The following POLR1D variants were observed in gnomAD, a reference collection of about 807,000 sequenced individuals.
POLR1D encodes RNA polymerase I and III subunit D.
In POLR1D, 8 loss-of-function variants were observed where a neutral mutation model predicts 10.8. The ratio of observed to expected loss-of-function variants is 0.74; its 90% CI spans 0.43 to 1.33. The LOEUF is 1.33. Among genes scored for constraint, POLR1D ranks in the 40% most tolerant of loss-of-function variants. The probability of loss-of-function intolerance (pLI) is 0.01; values close to 1 mark genes in which losing one functional copy is unlikely to be tolerated. For missense variants in POLR1D, 152 were observed against 161.7 expected, an observed-to-expected ratio of 0.94 and a Z score of 0.32; for synonymous variants, 54 against 57.2, an observed-to-expected ratio of 0.94 and a Z score of 0.25.
At chr13:27,642,532 CCAT>C (rs1187355772) in intron 1 of POLR1D, among the ~76,000 whole-genome samples, 1 of 152,046 alleles carries the variant, frequency 6.6e-6, no homozygotes, top group East Asian at 1.9e-4. Context: ...TCCATCTCAC[CCAT>C]CATCATCTAT....
intron 1 of POLR1D, among the ~76,000 whole-genome samples, chr13:27,644,870 ATAATT>A (rs1956204885): frequency 1.3e-5 from 2 of 152,268 alleles, no homozygotes; most frequent in South Asian, 2.1e-4. Context: ...ATAATCTTTG[ATAATT>A]TAAGTTATTT....
At position 27,622,857 on chromosome 13, in the gene POLR1D, T is replaced by C. The variant is rs768698541; in HGVS notation, c.27-18T>C. ...AATATTCAGTATGATCTCATTTTTA[T>C]AAAAAATATGTGTGTAGAAAAATAT... On this transcript the variant is annotated intron_variant, in intron 1 of 1. Coordinates refer to ENST00000302979, the MANE Select transcript of POLR1D (RefSeq NM_015972.4). The C allele has an allele frequency of 6.5e-7, 1 of 1,544,954 alleles. No individual in the cohort carries two copies. Among genetic ancestry groups the C allele is most frequent in the Non-Finnish European group, 8.9e-7 (1 of 1,118,242 alleles).
chr13:27,624,103 A>G (rs1279786602), downstream of POLR1D, among the ~76,000 whole-genome samples: 3 of 152,138 alleles, frequency 2.0e-5, no homozygotes, highest in Non-Finnish European at 2.9e-5. Context: ...CCCACCCGCC[A>G]GTGCTCTGTG....
chr13:27,664,102 G>C (rs1053652556), intron 2 of POLR1D, among the ~76,000 whole-genome samples: 1 of 152,182 alleles, frequency 6.6e-6, no homozygotes, highest in African/African-American at 2.4e-5. Flanking sequence ...GCATTCAGTA[G>C]TACCCTGTCA....
rs1485942027 is a variant in POLR1D, at chr13:27,633,533, T to G, written c.26+11524T>G. On this transcript the variant is annotated intron_variant, in intron 1 of 2. Transcript: ENST00000399697. ...GGAAAATTGCCAGAAATCCTAGTCT[T>G]TATTTAGGTGACCTGAAGCACTTGA... 2.0e-5 allele frequency among the ~76,000 whole-genome samples: 3 copies of G among 152,342 alleles called. No individual in the cohort carries two copies. In the East Asian group the frequency reaches 5.8e-4, roughly 29 times the overall value.
intron 2 of POLR1D, among the ~76,000 whole-genome samples, chr13:27,659,807 G>T (rs1273497413): frequency 6.6e-6 from 1 of 151,772 alleles, no homozygotes. Context: ...CCTACCTTCT[G>T]TTCCTCTTGG....
At chr13:27,660,116 G>T (rs1593294468) in intron 2 of POLR1D, among the ~76,000 whole-genome samples, 1 of 152,074 alleles carries the variant, frequency 6.6e-6, no homozygotes, top group Non-Finnish European at 1.5e-5. Context: ...TTTTTCAGGT[G>T]GCCACATGCT....
chr13:27,623,212 A>G lies in POLR1D; in HGVS notation c.364A>G (p.Lys122Glu). ...GTTTGAGGCCAGCATAAAGGACTAT[A>G]AGGATCAAAAAGCAAGCAGAAATGA... is the stretch of plus-strand genomic sequence containing the variant. ...DKFEASIKDYKDQKASRNEST... is the reference protein window; with the variant it reads ...DKFEASIKDYEDQKASRNEST... Residue 122 changes from lysine (K) to glutamate (E), a missense_variant, in exon 2 of 2, where the codon AAG becomes GAG. Coordinates refer to ENST00000302979, the MANE Select transcript of POLR1D (RefSeq NM_015972.4). The G allele has an allele frequency of 1.2e-6, 2 of 1,614,140 alleles. No individual in the cohort carries two copies. The highest frequency in any genetic ancestry group is 2.2e-5 in the South Asian group (2 of 91,052).
At chr13:27,623,483 A>C, downstream of POLR1D, 2 of 851,316 alleles carry the variant, frequency 2.3e-6, no homozygotes, top group Non-Finnish European at 3.2e-6. Context: ...ATGCAACCAA[A>C]TGGTCCTTGA....
chr13:27,635,808 C>T (rs1368812528), intron 1 of POLR1D, among the ~76,000 whole-genome samples: 2 of 151,138 alleles, frequency 1.3e-5, no homozygotes, highest in Admixed American at 6.6e-5. Flanking sequence ...TCATTTTAAT[C>T]GCATAGCTTT....
At chr13:27,665,957 TGGAACCAGGGCCAGCCAGCCCTGCG>T in exon 3 of POLR1D, 1 of 1,613,854 alleles carries the variant, frequency 6.2e-7, no homozygotes, top group Non-Finnish European at 8.5e-7. Context: ...GCGGTGAGGC[TGGAACCAGGGCCAGCCAGCCCTGCG>T]GGCCTCCGTG....
chr13:27,648,303 C>T (rs1450541976), intron 1 of POLR1D: 1 of 1,009,986 alleles, frequency 9.9e-7, no homozygotes, highest in Non-Finnish European at 1.5e-6. Context: ...TTCCCAAGAT[C>T]ATGGACCTGG....
At chr13:27,660,642 C>T (rs1357921745) in intron 2 of POLR1D, 1 of 152,308 alleles carries the variant, frequency 6.6e-6, no homozygotes, top group African/African-American at 2.4e-5. Context: ...TCATGCCTGT[C>T]CTGGATGAGG....
intron 2 of POLR1D, among the ~76,000 whole-genome samples, chr13:27,652,959 G>A (rs1169800056): frequency 4.1e-5 from 5 of 120,600 alleles, no homozygotes; most frequent in East Asian, 2.4e-4. Context: ...TTGCTCTGTC[G>A]CTGGATCTCA....
chr13:27,635,199 T>C (rs936891998), intron 1 of POLR1D, among the ~76,000 whole-genome samples: 1 of 152,222 alleles, frequency 6.6e-6, no homozygotes, highest in African/African-American at 2.4e-5. Context: ...AAAGGTTTAC[T>C]GACAATACTT....
At chr13:27,623,523 T>C, downstream of POLR1D, 3 of 439,754 alleles carry the variant, frequency 6.8e-6, no homozygotes, top group Non-Finnish European at 1.1e-5. Context: ...TAAGCCAGCA[T>C]TGAAAATGAG....
chr13:27,641,131 G>A (rs565839758), intron 1 of POLR1D, among the ~76,000 whole-genome samples: 2 of 152,180 alleles, frequency 1.3e-5, no homozygotes, highest in East Asian at 1.9e-4. Flanking sequence ...GTACACTCTT[G>A]TGCTTACAAA....
intron 1 of POLR1D, among the ~76,000 whole-genome samples, chr13:27,629,766 G>A (rs1318893497): frequency 6.6e-6 from 1 of 152,200 alleles, no homozygotes; most frequent in African/African-American, 2.4e-5. Context: ...TAAGCTTTAA[G>A]ATAAAGGTTA....
At chr13:27,658,539 G>T (rs1301136433) in intron 2 of POLR1D, among the ~76,000 whole-genome samples, 1 of 152,184 alleles carries the variant, frequency 6.6e-6, no homozygotes, top group Non-Finnish European at 1.5e-5. Flanking sequence ...AGAGTGAGTG[G>T]TATTATTTTT....
Sources: gnomAD v4.1 joint callset for allele counts (sites outside exome capture counted in the v4.1 genomes callset) on GRCh38, gnomAD v4.1.1 for gene constraint, MANE v1.5 for transcripts, NCBI Gene and HGNC (gene_info 2026-07-23, HGNC 2026-07-21) for gene names.